Variants in GPC6 observed in about 807,000 individuals in gnomAD.
The protein encoded by GPC6 is glypican 6, also known as glypican-6.
A neutral mutation model predicts 55.2 loss-of-function variants in GPC6; 14 were observed. The observed-to-expected ratio is 0.25, with a 90% CI of 0.17 to 0.40. GPC6 has a LOEUF of 0.40. GPC6 is among the 10% of genes least tolerant of loss of function. The probability of loss-of-function intolerance (pLI) is 1.00; values close to 1 mark genes in which losing one functional copy is unlikely to be tolerated. For missense variants in GPC6, 641 were observed against 708.5 expected, an observed-to-expected ratio of 0.90 and a Z score of 1.08; for synonymous variants, 278 against 259.6, an observed-to-expected ratio of 1.07 and a Z score of -0.68.
chr13:93,683,787 T>A (rs888916446), intron 2 of GPC6, among the ~76,000 whole-genome samples: 1 of 152,142 alleles, frequency 6.6e-6, no homozygotes, highest in African/African-American at 2.4e-5. Flanking sequence ...TTAGTCCTTT[T>A]GGGCTGCTAT....
intron 4 of GPC6, among the ~76,000 whole-genome samples, chr13:94,028,595 T>A (rs1308436993): frequency 5.3e-5 from 8 of 152,206 alleles, no homozygotes; most frequent in Non-Finnish European, 7.3e-5. Context: ...ATTCTTTCCT[T>A]GAACTCCTAG....
At chr13:93,221,641 T>C in the GPC6 span, among the ~76,000 whole-genome samples, 4 of 152,236 alleles carry the variant, frequency 2.6e-5, no homozygotes, top group African/African-American at 9.6e-5. Flanking sequence ...AACCATAAGA[T>C]GGAAATGAAA....
At chr13:93,644,654 G>T (rs994437670) in intron 2 of GPC6, among the ~76,000 whole-genome samples, 1 of 151,910 alleles carries the variant, frequency 6.6e-6, no homozygotes, top group Non-Finnish European at 1.5e-5. Context: ...TAAAGGGGAT[G>T]AATTTTATAA....
chr13:93,561,209 G>T (rs1875768309), intron 2 of GPC6, among the ~76,000 whole-genome samples: 1 of 151,854 alleles, frequency 6.6e-6, no homozygotes, highest in Non-Finnish European at 1.5e-5. Flanking sequence ...ATTCAGTGAA[G>T]AACTCTTTCC....
At chr13:93,365,020 A>T (rs755104007) in intron 1 of GPC6, among the ~76,000 whole-genome samples, 7 of 151,776 alleles carry the variant, frequency 4.6e-5, no homozygotes, top group Non-Finnish European at 8.8e-5. Context: ...CTTTTTCTAC[A>T]TCTTCTGCAT....
chr13:93,324,909 C>G (rs1158262088), intron 1 of GPC6, among the ~76,000 whole-genome samples: 1 of 151,884 alleles, frequency 6.6e-6, no homozygotes, highest in Non-Finnish European at 1.5e-5. Flanking sequence ...TTTTTAGGCC[C>G]CTCTAGTAGG....
At chr13:94,221,321 G>A (rs1014628085) in intron 4 of GPC6, among the ~76,000 whole-genome samples, 1 of 152,062 alleles carries the variant, frequency 6.6e-6, no homozygotes, top group African/African-American at 2.4e-5. Context: ...TAACGTAAGT[G>A]ATATGTCAGT....
At position 93,496,473 on chromosome 13, in the gene GPC6, C is replaced by T. The variant is rs534173513; in HGVS notation, c.161-48790C>T. On this transcript the variant is annotated intron_variant, in intron 1 of 8. Coordinates refer to ENST00000377047, the MANE Select transcript of GPC6 (RefSeq NM_005708.5). Reference sequence around the variant, plus strand: ...TGGAAATGCAGAAATCACCCGTCTTCTGCGTCGCTCATGCTGGGAGCTGTA... The same window carrying T: ...TGGAAATGCAGAAATCACCCGTCTTTTGCGTCGCTCATGCTGGGAGCTGTA... Among the ~76,000 whole-genome samples, 9 of 152,318 alleles carry T rather than the reference C, an allele frequency of 5.9e-5. No individual in the cohort carries two copies. In the South Asian group the frequency reaches 1.9e-3, roughly 32 times the overall value.
intron 2 of GPC6, among the ~76,000 whole-genome samples, chr13:93,707,765 G>A (rs915461440): frequency 6.6e-6 from 1 of 151,726 alleles, no homozygotes; most frequent in Non-Finnish European, 1.5e-5. Context: ...ACACATTTAA[G>A]GATTATATTT....
intron 3 of GPC6, among the ~76,000 whole-genome samples, chr13:94,021,139 A>G (rs1882678572): frequency 6.6e-6 from 1 of 152,036 alleles, no homozygotes; most frequent in Non-Finnish European, 1.5e-5. Flanking sequence ...TTCTAGCTGA[A>G]TGTTTTACTT....
chr13:93,539,685 T>A (rs1380542460), intron 1 of GPC6, among the ~76,000 whole-genome samples: 1 of 116,442 alleles, frequency 8.6e-6, no homozygotes, highest in Non-Finnish European at 1.7e-5. Flanking sequence ...AGAGAGGAAG[T>A]GCTTGGTACT....
At chr13:94,093,929 C>A (rs1885581998) in intron 4 of GPC6, among the ~76,000 whole-genome samples, 1 of 151,950 alleles carries the variant, frequency 6.6e-6, no homozygotes, top group African/African-American at 2.4e-5. Context: ...GAAAAAAACA[C>A]AAGAAAATTG....
chr13:93,417,054 A>T (rs1876725908), intron 1 of GPC6, among the ~76,000 whole-genome samples: 1 of 152,078 alleles, frequency 6.6e-6, no homozygotes, highest in South Asian at 2.1e-4. Flanking sequence ...TCCAAATTCC[A>T]TTGCTCTGTT....
intron 4 of GPC6, among the ~76,000 whole-genome samples, chr13:94,230,382 G>T (rs775201172): frequency 2.7e-5 from 4 of 149,640 alleles, no homozygotes; most frequent in Admixed American, 6.7e-5. Context: ...ACAAAGAAAT[G>T]GGAGAAGAAC....
chr13:93,274,269 A>G (rs1166366286), intron 1 of GPC6, among the ~76,000 whole-genome samples: 1 of 152,190 alleles, frequency 6.6e-6, no homozygotes, highest in Non-Finnish European at 1.5e-5. Flanking sequence ...GGAGTCCCTA[A>G]GGTATTCATT....
chr13:93,653,959 T>C (rs1384709156), intron 2 of GPC6, among the ~76,000 whole-genome samples: 2 of 152,232 alleles, frequency 1.3e-5, no homozygotes, highest in Non-Finnish European at 2.9e-5. Flanking sequence ...TCTGTTTTAC[T>C]CTGTCACTCA....
chr13:93,578,411 A>G (rs76313860), intron 2 of GPC6, among the ~76,000 whole-genome samples: 3,218 of 151,980 alleles, frequency 0.021, 65 homozygotes, highest in Non-Finnish European at 0.033. Context: ...CTATTTCTTC[A>G]TATTCTGTCT....
intron 3 of GPC6, among the ~76,000 whole-genome samples, chr13:93,950,808 T>TA (rs1424800016): frequency 6.6e-6 from 1 of 152,122 alleles, no homozygotes; most frequent in Non-Finnish European, 1.5e-5. Flanking sequence ...TTTTTTTTTT[T>TA]ATTGTCAAAG....
chr13:94,063,130 G>T (rs1302081019), intron 4 of GPC6, among the ~76,000 whole-genome samples: 1 of 152,160 alleles, frequency 6.6e-6, no homozygotes, highest in Non-Finnish European at 1.5e-5. Flanking sequence ...TTAGATTTTA[G>T]ACCTTCACTG....
Sources: allele counts gnomAD v4.1 joint callset (sites outside exome capture counted in the v4.1 genomes callset), GRCh38; gene constraint gnomAD v4.1.1; transcripts MANE v1.5; gene names NCBI Gene and HGNC (gene_info 2026-07-23, HGNC 2026-07-21).